Variants in CALM2 observed in about 807,000 individuals in gnomAD.
CALM2 encodes calmodulin-2.
A neutral mutation model predicts 19.8 loss-of-function variants in CALM2; 2 were observed. The ratio of observed to expected loss-of-function variants is 0.10; its 90% CI spans 0.04 to 0.32. CALM2 has a LOEUF of 0.32. Among genes scored for constraint, CALM2 ranks in the 10% least tolerant of loss-of-function variants. CALM2 has a pLI of 1.00. For missense variants in CALM2, 38 were observed against 178.7 expected (o/e 0.21, Z 4.49); for synonymous variants, 51 against 52.1 (o/e 0.98, Z 0.09).
chr2:47,171,540 G>C (rs1274251262), intron 1 of CALM2: 1 of 152,140 alleles, frequency 6.6e-6, no homozygotes. Context: ...AAAGCACTAA[G>C]GTGTCAGACA....
Position 47,161,861 on chromosome 2 carries a change from A to G in CALM2, c.286-3T>C. The G allele has an allele frequency of 6.2e-7, 1 of 1,604,518 alleles. No individual in the cohort carries two copies. The highest frequency in any genetic ancestry group is 8.5e-7 in the Non-Finnish European group (1 of 1,176,668). ...GCACTAATATAGCCATTGCCATCCT[A>G]GCAAAAAATTTAGTATAGTTTCTGA... On this transcript the variant is annotated splice_polypyrimidine_tract_variant and splice_region_variant and intron_variant, in intron 4 of 5. Coordinates refer to ENST00000272298, the MANE Select transcript of CALM2 (RefSeq NM_001743.6).
At chr2:47,169,511 C>T (rs1462344832) in intron 2 of CALM2, among the ~76,000 whole-genome samples, 3 of 150,958 alleles carry the variant, frequency 2.0e-5, no homozygotes, top group Non-Finnish European at 3.0e-5. Context: ...CAGTGTAACT[C>T]AACAAAAAAA....
intron 2 of CALM2, among the ~76,000 whole-genome samples, chr2:47,169,086 T>C (rs536094777): frequency 2.0e-5 from 3 of 152,242 alleles, no homozygotes; most frequent in East Asian, 3.9e-4. Context: ...CAAACTTTCT[T>C]TTCAAAGAGT....
intron 1 of CALM2, chr2:47,172,694 A>C: frequency 3.5e-6 from 1 of 288,602 alleles, no homozygotes; most frequent in South Asian, 3.1e-5. Flanking sequence ...CATCACTTTA[A>C]GGCTAAAAAA....
intron 5 of CALM2, 141 bp from the exon 6 acceptor site, chr2:47,160,945 G>T: frequency 1.8e-6 from 1 of 546,358 alleles, no homozygotes; most frequent in South Asian, 3.0e-5. Context: ...AAGTACAGAG[G>T]GAAGCTAGTT....
chr2:47,176,817 GT>G (rs1666891395), upstream of CALM2: 2 of 985,422 alleles, frequency 2.0e-6, no homozygotes, highest in South Asian at 9.4e-5. Flanking sequence ...CCCGTTGGTC[GT>G]TGAGCCTGCC....
At position 47,162,270 on chromosome 2, in the gene CALM2, C is replaced by G. The variant is rs3729963; in HGVS notation, c.285+16G>C. ...ATTTCATCCTCAAAATTTAACATAT[C>G]CAGTCCTTGACGTACCTTATCAAAC... On this transcript the variant is annotated intron_variant, in intron 4 of 5. Transcript: ENST00000272298. The G allele has an allele frequency of 5.4e-4, 766 of 1,420,498 alleles. 1 individual carries two copies. The highest frequency in any genetic ancestry group is 7.0e-4 in the Non-Finnish European group (725 of 1,033,430). The allele number at this position is 1,420,498 out of a possible 1,614,324, so 88.0% of individuals were successfully genotyped here.
upstream of CALM2, chr2:47,176,635 G>A (rs1285561952): frequency 1.3e-5 from 19 of 1,494,698 alleles, no homozygotes; most frequent in East Asian, 4.7e-4. Flanking sequence ...AACTCTTCTC[G>A]GGACCCCTTT....
chr2:47,168,331 T>A (rs544243832), intron 2 of CALM2, among the ~76,000 whole-genome samples: 3 of 152,070 alleles, frequency 2.0e-5, no homozygotes, highest in Non-Finnish European at 2.9e-5. Flanking sequence ...TCTACTCCCA[T>A]TGGAAACCTA....
chr2:47,176,410 C>T (rs756789921), intron 1 of CALM2, 31 bp downstream of exon 1: 21 of 1,612,066 alleles, frequency 1.3e-5, no homozygotes, highest in Non-Finnish European at 1.7e-5. Flanking sequence ...CCCCCACAGG[C>T]CCAGCGCCGG....
intron 5 of CALM2, 27 bp from the exon 6 acceptor site, chr2:47,160,831 T>C: frequency 1.2e-6 from 1 of 857,322 alleles, no homozygotes; most frequent in Non-Finnish European, 1.5e-6. Context: ...ACACAAAAAA[T>C]GAGTCAATAG....
At chr2:47,164,236 T>A (rs1206856516) in intron 2 of CALM2, among the ~76,000 whole-genome samples, 89 of 71,068 alleles carry the variant, frequency 1.3e-3, no homozygotes, top group Middle Eastern at 0.02. Context: ...AGACTCCGTC[T>A]CAAAAAAAAA....
chr2:47,174,851 A>G (rs537025717), intron 1 of CALM2, among the ~76,000 whole-genome samples: 1 of 152,340 alleles, frequency 6.6e-6, no homozygotes, highest in South Asian at 2.1e-4. Flanking sequence ...CAAATTCAGA[A>G]TAACATTTGA....
At chr2:47,162,171 CAAAAAAAAAAAAAAAAAA>C in intron 4 of CALM2, 97 bp downstream of exon 4, 4 of 128,348 alleles carry the variant, frequency 3.1e-5, no homozygotes, top group Non-Finnish European at 5.3e-5. Context: ...GGTAAATCAT[CAAAAAAAAAAAAAAAAAA>C]AAAAAAAAAA....
rs56839340 is a variant in CALM2 at position 47,162,171 on chromosome 2, C to CAAAAAAAAAAAAAAAA, written c.285+99_285+114dup. The CAAAAAAAAAAAAAAAA allele has an allele frequency of 2.6e-4, 34 of 130,126 alleles. 1 individual carries two copies. Among genetic ancestry groups the CAAAAAAAAAAAAAAAA allele is most frequent in the South Asian group, 3.3e-4 (3 of 9,032 alleles). The allele number at this position is 130,126 out of a possible 1,614,324, so 8.1% of individuals were successfully genotyped here. A position where few individuals can be genotyped will look rare whatever the true frequency, so the allele number is the denominator to read the frequency against. On this transcript the variant is annotated intron_variant, in intron 4 of 5. Coordinates refer to ENST00000272298, the MANE Select transcript of CALM2 (RefSeq NM_001743.6). The stretch of plus-strand genomic sequence containing the variant: ...TAATTAAAATATGTTGGTAAATCAT[C>CAAAAAAAAAAAAAAAA]AAAAAAAAAAAAAAAAAAAAAAAAA...
chr2:47,160,229 T>C lies in CALM2; in HGVS notation c.*547A>G, dbSNP rs999088772. 2.0e-5 allele frequency: 3 copies of C among 152,778 alleles called. No homozygotes were observed. Among genetic ancestry groups the C allele is most frequent in the African/African-American group, 4.8e-5 (2 of 41,564 alleles). 9.5% of individuals were successfully genotyped at this position (152,778 alleles called of 1,614,324 possible). A position where few individuals can be genotyped will look rare whatever the true frequency, so the allele number is the denominator to read the frequency against. On this transcript the variant is annotated 3_prime_UTR_variant, in exon 6 of 6. Coordinates refer to ENST00000272298, the MANE Select transcript of CALM2 (RefSeq NM_001743.6). ...AACTTGGAATGGATTTTGAGGCAAA[T>C]TGTGCCATAAGCAGATTTTAAGTGG...
At chr2:47,172,364 C>T in intron 1 of CALM2, 1 of 494,588 alleles carries the variant, frequency 2.0e-6, no homozygotes, top group Non-Finnish European at 3.9e-6. Flanking sequence ...GGACGTGGTA[C>T]TCCTCCTCTC....
chr2:47,175,084 T>TTTTTTTG (rs1553433876), intron 1 of CALM2, among the ~76,000 whole-genome samples: 2 of 129,888 alleles, frequency 1.5e-5, no homozygotes, highest in South Asian at 2.4e-4. Context: ...ATTAGGTGTT[T>TTTTTTTG]TTTTTTTTTT....
rs1364111954 is a variant in CALM2 at position 47,164,247 on chromosome 2, AAAAAAG to A, written c.35-1591_35-1586del. Among the ~76,000 whole-genome samples the A allele has an allele frequency of 1.4e-4, 11 of 78,710 alleles. 2 individuals carry two copies. The East Asian group carries it at 4.4e-3, about 32-fold the overall frequency. 51.6% of individuals were successfully genotyped at this position (78,710 alleles called of 152,430 possible). A position where few individuals can be genotyped will look rare whatever the true frequency, so the allele number is the denominator to read the frequency against. ...AGCGAGACTCCGTCTCAAAAAAAAA[AAAAAAG>A]AAGAAAAAGAAAAGAAACCCCGTCT... On this transcript the variant is annotated intron_variant, in intron 2 of 5. Transcript: ENST00000272298.
Sources: gnomAD v4.1 joint callset for allele counts (sites outside exome capture counted in the v4.1 genomes callset) on GRCh38, gnomAD v4.1.1 for gene constraint, MANE v1.5 for transcripts, NCBI Gene and HGNC (gene_info 2026-07-23, HGNC 2026-07-21) for gene names.